PHF20: variants seen among roughly 807,000 people sequenced by gnomAD.
PHF20 encodes PHD finger protein 20, also known as glioma-expressed antigen 2.
A neutral mutation model predicts 113.5 loss-of-function variants in PHF20; 23 were observed. The observed-to-expected ratio is 0.20, with a 90% CI of 0.15 to 0.29. The LOEUF is 0.29. PHF20 is among the 10% of genes least tolerant of loss of function. The pLI is 1.00. For synonymous variants in PHF20, 434 were observed against 457.3 expected, an observed-to-expected ratio of 0.95 and a Z score of 0.65; for missense variants, 943 against 1,219.6, an observed-to-expected ratio of 0.77 and a Z score of 3.38.
intron 17 of PHF20, among the ~76,000 whole-genome samples, chr20:35,946,946 G>T (rs1196737785): frequency 6.6e-6 from 1 of 152,112 alleles, no homozygotes; most frequent in Non-Finnish European, 1.5e-5. Context: ...TTGACCTTGT[G>T]ATCTGCCCGC....
chr20:35,822,943 A>G (rs1318436312), intron 2 of PHF20, among the ~76,000 whole-genome samples: 1 of 151,582 alleles, frequency 6.6e-6, no homozygotes, highest in African/African-American at 2.4e-5. Flanking sequence ...CCTGCACCAG[A>G]GTGGTACATT....
intron 9 of PHF20, among the ~76,000 whole-genome samples, chr20:35,879,783 CA>C (rs58553871): frequency 1.9e-3 from 205 of 108,182 alleles, no homozygotes; most frequent in East Asian, 5.5e-3. Flanking sequence ...CCCATCTCTC[CA>C]AAAAAAAAAA....
At chr20:35,883,118 A>G (rs577873069) in intron 9 of PHF20, among the ~76,000 whole-genome samples, 3 of 151,958 alleles carry the variant, frequency 2.0e-5, no homozygotes, top group African/African-American at 7.2e-5. Flanking sequence ...GGAGGCTGAC[A>G]TGGGAGGATC....
chr20:35,891,808 A>G (rs948000985), intron 9 of PHF20, among the ~76,000 whole-genome samples: 23 of 152,124 alleles, frequency 1.5e-4, no homozygotes, highest in African/African-American at 5.5e-4. Flanking sequence ...GAAAGGGACG[A>G]TTGCTTAAGT....
chr20:35,917,498 A>C lies in PHF20; in HGVS notation c.1840A>C (p.Ser614Arg). 1 of 1,613,690 alleles carries C rather than the reference A, an allele frequency of 6.2e-7. No homozygotes were observed. Among genetic ancestry groups the C allele is most frequent in the Non-Finnish European group, 8.5e-7 (1 of 1,179,736 alleles). The change falls in exon 13 of 18, where the codon AGT becomes CGT. Residue 614 changes from serine to arginine, a missense_variant. Around this residue, in one of 3 missense-constraint regions of PHF20, gnomAD observed 592 missense variants for 787.2 expected, o/e 0.75. Coordinates refer to ENST00000374012, the MANE Select transcript of PHF20 (RefSeq NM_016436.5). ...TTTCCTCGTAGAGGAGGATAATTTG[A>C]GTGAGTCCTCTTCTGAGAGCTTTCT... ...KVKALEEDNLSESSSESFLWS... is the reference protein window; with the variant it reads ...KVKALEEDNLRESSSESFLWS...
chr20:35,918,305 A>G (rs1054667979), intron 13 of PHF20, among the ~76,000 whole-genome samples: 1 of 152,216 alleles, frequency 6.6e-6, no homozygotes, highest in Middle Eastern at 3.4e-3. Context: ...CAGCTGCCCA[A>G]CTGGCTTGGG....
At chr20:35,772,298 G>T (rs1187047299) in intron 1 of PHF20, among the ~76,000 whole-genome samples, 2 of 151,774 alleles carry the variant, frequency 1.3e-5, no homozygotes, top group African/African-American at 2.4e-5. Context: ...CCAATCCCCG[G>T]GGCTACCCGC....
chr20:35,877,696 C>A (rs1359458146), intron 9 of PHF20, among the ~76,000 whole-genome samples: 1 of 151,946 alleles, frequency 6.6e-6, no homozygotes, highest in Admixed American at 6.6e-5. Flanking sequence ...CCTGCTTCAG[C>A]CTCAGACCCT....
At chr20:35,810,697 T>A (rs2041961778) in intron 2 of PHF20, among the ~76,000 whole-genome samples, 1 of 152,166 alleles carries the variant, frequency 6.6e-6, no homozygotes, top group Non-Finnish European at 1.5e-5. Context: ...CTCCAGAGTG[T>A]CTGAATGTTC....
chr20:35,920,915 TC>T (rs2055499100), intron 13 of PHF20, among the ~76,000 whole-genome samples: 1 of 152,242 alleles, frequency 6.6e-6, no homozygotes, highest in South Asian at 2.1e-4. Context: ...ATGGACTGTT[TC>T]ATAGAACCCC....
rs562302252 is a variant in PHF20, at chr20:35,782,853, A to G, written c.-33+10774A>G. On this transcript the variant is annotated intron_variant, in intron 1 of 17. Coordinates refer to ENST00000374012, the MANE Select transcript of PHF20 (RefSeq NM_016436.5). ...GACATCAGTCATTGGAAATATCAGT[A>G]AATGTTACCCTTTCCCTCCATTTCC... 4.7e-4 allele frequency among the ~76,000 whole-genome samples: 72 copies of G among 152,286 alleles called. No individual in the cohort carries two copies. The Middle Eastern group carries it at 0.01, about 22-fold the overall frequency.
intron 10 of PHF20, among the ~76,000 whole-genome samples, chr20:35,900,187 G>A (rs1277077425): frequency 6.6e-6 from 1 of 152,128 alleles, no homozygotes; most frequent in African/African-American, 2.4e-5. Flanking sequence ...TTATTACAGA[G>A]AACCTTTTAG....
intron 15 of PHF20, among the ~76,000 whole-genome samples, chr20:35,932,284 G>C (rs1203976344): frequency 6.6e-6 from 1 of 151,606 alleles, no homozygotes; most frequent in Non-Finnish European, 1.5e-5. Context: ...GGCCAGGCTG[G>C]TCTTGAACTC....
chr20:35,859,356 A>G (rs1180593120), intron 5 of PHF20, among the ~76,000 whole-genome samples: 1 of 152,178 alleles, frequency 6.6e-6, no homozygotes, highest in African/African-American at 2.4e-5. Flanking sequence ...GGGAAAATAG[A>G]GATCAAAATT....
At chr20:35,860,237 ATTTTTTT>A (rs34253757) in intron 5 of PHF20, among the ~76,000 whole-genome samples, 2 of 129,760 alleles carry the variant, frequency 1.5e-5, no homozygotes, top group Admixed American at 7.9e-5. Context: ...TTTCTAAGAA[ATTTTTTT>A]TTTTTTTTTT....
chr20:35,870,808 A>G (rs947314182), intron 7 of PHF20, 147 bp from the exon 8 acceptor site: 1 of 534,506 alleles, frequency 1.9e-6, no homozygotes, highest in Non-Finnish European at 3.2e-6. Context: ...GTAAACTAGT[A>G]AAGGGTATTT....
At chr20:35,861,780 A>G (rs779933831) in intron 5 of PHF20, among the ~76,000 whole-genome samples, 17 of 151,658 alleles carry the variant, frequency 1.1e-4, no homozygotes, top group Non-Finnish European at 2.2e-4. Flanking sequence ...GGCTGCTTTC[A>G]GAATAGTTTG....
At position 35,863,462 on chromosome 20, in the gene PHF20, T is replaced by C. The variant is rs188694651; in HGVS notation, c.808+62T>C. On this transcript the variant is annotated intron_variant, in intron 6 of 17. Coordinates refer to ENST00000374012, the MANE Select transcript of PHF20 (RefSeq NM_016436.5). Reference sequence around the variant, plus strand: ...CAGAGTATTCTTCTGTGGCCCTTTGTGGTTCTTTGTAACTTGTGTACGTCA... The same window carrying C: ...CAGAGTATTCTTCTGTGGCCCTTTGCGGTTCTTTGTAACTTGTGTACGTCA... The C allele has an allele frequency of 4.4e-4, 643 of 1,464,752 alleles. 5 individuals carry two copies. The highest frequency in any genetic ancestry group is 8.3e-5 in the Non-Finnish European group (90 of 1,089,794). 90.7% of individuals were successfully genotyped at this position (1,464,752 alleles called of 1,614,324 possible).
intron 9 of PHF20, among the ~76,000 whole-genome samples, chr20:35,872,371 A>G (rs2054437709): frequency 6.6e-6 from 1 of 152,108 alleles, no homozygotes; most frequent in Non-Finnish European, 1.5e-5. Flanking sequence ...AAAAATACAA[A>G]AATTAGCTGG....
Sources: allele counts gnomAD v4.1 joint callset (sites outside exome capture counted in the v4.1 genomes callset), GRCh38; gene constraint gnomAD v4.1.1; regional missense constraint gnomAD v4.1.1; transcripts MANE v1.5; gene names NCBI Gene and HGNC (gene_info 2026-07-23, HGNC 2026-07-21).